The following SGPL1 variants were observed in gnomAD, a reference collection of about 807,000 sequenced individuals.
SGPL1 encodes the protein sphingosine-1-phosphate lyase 1, also known as SP-lyase 1.
In SGPL1, 37 loss-of-function variants were observed where a neutral mutation model predicts 68.9. The ratio of observed to expected loss-of-function variants is 0.54; its 90% confidence interval spans 0.41 to 0.71. The LOEUF is 0.71. Among genes scored for constraint, SGPL1 ranks in the 30% least tolerant of loss-of-function variants. The pLI is 0.00. For synonymous variants in SGPL1, 236 were observed against 248.5 expected (o/e 0.95, Z 0.47); for missense variants, 551 against 704.6 (o/e 0.78, Z 2.47).
Position 70,880,515 on chromosome 10 carries a change from TTCTG to T in SGPL1, c.*3184_*3187del, listed in dbSNP as rs1192625278. On this transcript the variant is annotated 3_prime_UTR_variant, in exon 15 of 15. Coordinates refer to ENST00000373202, the MANE Select transcript of SGPL1 (RefSeq NM_003901.4). Reference sequence around the variant, plus strand: ...GTCTCTAGCCATCTGGGCAGTGTGGTTCTGTCTAACCAAAGGGCATTGGCCTCAA... The same window carrying T: ...GTCTCTAGCCATCTGGGCAGTGTGGTTCTAACCAAAGGGCATTGGCCTCAA... The T allele has an allele frequency of 2.6e-5, 4 of 152,204 alleles. No individual in the cohort carries two copies. 9.4% of individuals were successfully genotyped at this position (152,204 alleles called of 1,614,324 possible).
chr10:70,834,882 C>T (rs764339415), intron 2 of SGPL1, among the ~76,000 whole-genome samples: 16 of 152,286 alleles, frequency 1.1e-4, no homozygotes, highest in Non-Finnish European at 1.9e-4. Context: ...CCGCTATTTC[C>T]GAGCTTTGTG....
At chr10:70,847,778 AT>A (rs562454291) in intron 3 of SGPL1, among the ~76,000 whole-genome samples, 2 of 152,038 alleles carry the variant, frequency 1.3e-5, no homozygotes, top group African/African-American at 4.8e-5. Context: ...TAGAATATTC[AT>A]TTTTTTTAGC....
At chr10:70,866,216 G>A (rs1344916257) in intron 7 of SGPL1, 1 of 151,992 alleles carries the variant, frequency 6.6e-6, no homozygotes, top group East Asian at 1.9e-4. Context: ...GTGAAACCCT[G>A]TCTCTACAAA....
Position 70,879,736 on chromosome 10 carries a change from A to AT in SGPL1, c.*2404dup, listed in dbSNP as rs1308123195. ...AAAGGGACCTACTGTAGCCACTTTA[A>AT]TTTACAATTAAGAGCCTTAGTTTGA... On this transcript the variant is annotated 3_prime_UTR_variant, in exon 15 of 15. Coordinates refer to ENST00000373202, the MANE Select transcript of SGPL1 (RefSeq NM_003901.4). The AT allele has an allele frequency of 6.6e-6, 1 of 152,594 alleles. No homozygotes were observed. Among genetic ancestry groups the AT allele is most frequent in the Non-Finnish European group, 1.5e-5 (1 of 68,030 alleles). The allele number at this position is 152,594 out of a possible 1,614,324, so 9.5% of individuals were successfully genotyped here.
chr10:70,817,497 G>A (rs1020117348), intron 2 of SGPL1, among the ~76,000 whole-genome samples: 3 of 152,100 alleles, frequency 2.0e-5, no homozygotes, highest in Non-Finnish European at 4.4e-5. Context: ...GCTATTTACA[G>A]GCATAATCAT....
At position 70,873,502 on chromosome 10, in the gene SGPL1, G is replaced by C. The variant is rs1048221827; in HGVS notation, c.1211G>C (p.Cys404Ser). Residue 404 changes from cysteine to serine, a missense_variant, in exon 12 of 15, where the codon TGT becomes TCT. Cys to Ser is a moderately radical substitution (Grantham distance 112, BLOSUM62 -1). Coordinates refer to ENST00000373202, the MANE Select transcript of SGPL1 (RefSeq NM_003901.4). ...GSRPGGISAA[C>S]WAALMHFGEN... Reference sequence around the variant, plus strand: ...CGGCCTGGTGGCATTAGCGCAGCCTGTTGGGCTGCCTTGATGCACTTCGGT... The same window carrying C: ...CGGCCTGGTGGCATTAGCGCAGCCTCTTGGGCTGCCTTGATGCACTTCGGT... 3.1e-6 allele frequency: 5 copies of C among 1,614,250 alleles called. No homozygotes were observed. The highest frequency in any genetic ancestry group is 4.2e-6 in the Non-Finnish European group (5 of 1,180,014).
In SGPL1 at chr10:70,844,555, A is replaced by G. The variant is rs982294579; in HGVS notation, c.110A>G (p.Tyr37Cys). The change falls in exon 3 of 15, where the codon TAT (tyrosine) becomes TGT (cysteine). Residue 37 changes from tyrosine (Y) to cysteine (C), a missense_variant. Coordinates refer to ENST00000373202, the MANE Select transcript of SGPL1 (RefSeq NM_003901.4). ...KNYVNGHCTK[Y>C]EPWQLIAWSV... ...TATGTAAATGGACATTGCACCAAGTATGAGCCCTGGCAGCTAATTGCATGG... is the reference window on the plus strand; with the variant it reads ...TATGTAAATGGACATTGCACCAAGTGTGAGCCCTGGCAGCTAATTGCATGG... The G allele has an allele frequency of 3.7e-6, 6 of 1,614,080 alleles. No homozygotes were observed. In the African/African-American group the frequency reaches 8.0e-5, roughly 22 times the overall value.
At position 70,854,728 on chromosome 10, in the gene SGPL1, G is replaced by A; in HGVS notation, c.282G>A (p.Lys94=). ...IGRKIQDKLN[K]TKDDISKNMS... is the part of the protein sequence containing the mutation. ...TGGAGATTCAAGACAAGTTGAACAA[G>A]ACCAAGGATGATATTAGCAAGAACA... The change falls in exon 5 of 15, where the codon AAG becomes AAA. Residue 94 remains lysine (K), a synonymous_variant. Transcript: ENST00000373202. 1 of 1,612,416 alleles carries A rather than the reference G, an allele frequency of 6.2e-7. No homozygotes were observed. Among genetic ancestry groups the A allele is most frequent in the Non-Finnish European group, 8.5e-7 (1 of 1,179,370 alleles).
At chr10:70,866,021 T>TG (rs1589471793) in intron 7 of SGPL1, among the ~76,000 whole-genome samples, 2 of 152,316 alleles carry the variant, frequency 1.3e-5, no homozygotes, top group African/African-American at 4.8e-5. Context: ...TGTTTCTCTT[T>TG]GGGTATAGGA....
In SGPL1 at chr10:70,876,521, C is replaced by T; in HGVS notation, c.1446-20C>T. The T allele has an allele frequency of 6.2e-7, 1 of 1,600,270 alleles. No individual in the cohort carries two copies. ...TTTTCTTTCTTCAAGGTTCATCTCTCTCTGTCTCTTCTTTCCTAGTATTCA... is the reference window on the plus strand; with the variant it reads ...TTTTCTTTCTTCAAGGTTCATCTCTTTCTGTCTCTTCTTTCCTAGTATTCA... On this transcript the variant is annotated intron_variant, in intron 13 of 14. Coordinates refer to ENST00000373202, the MANE Select transcript of SGPL1 (RefSeq NM_003901.4).
intron 2 of SGPL1, among the ~76,000 whole-genome samples, chr10:70,835,185 G>C (rs186284104): frequency 6.6e-6 from 1 of 152,328 alleles, no homozygotes; most frequent in African/African-American, 2.4e-5. Context: ...TTGAGTTCCT[G>C]CTGTGTTGAA....
intron 3 of SGPL1, among the ~76,000 whole-genome samples, chr10:70,850,815 CAAAT>C (rs1441067077): frequency 6.9e-6 from 1 of 144,524 alleles, no homozygotes; most frequent in Non-Finnish European, 1.5e-5. Flanking sequence ...AAAAGGGAGA[CAAAT>C]AAGAATATAG....
Position 70,846,825 on chromosome 10 carries a change from T to G in SGPL1, c.193+2187T>G, listed in dbSNP as rs188344635. Among the ~76,000 whole-genome samples, 767 of 152,368 alleles carry G rather than the reference T, an allele frequency of 5.0e-3. 5 individuals carry two copies. The highest frequency in any genetic ancestry group is 0.017 in the African/African-American group (688 of 41,592). On this transcript the variant is annotated intron_variant, in intron 3 of 14. Transcript: ENST00000373202. ...TATTTATCATGTACAACATATGTTT[T>G]GAAATATGTATACATTGTGAAATGG... is the stretch of plus-strand genomic sequence containing the variant.
chr10:70,834,315 G>A (rs1467051551), intron 2 of SGPL1, among the ~76,000 whole-genome samples: 1 of 152,126 alleles, frequency 6.6e-6, no homozygotes, highest in African/African-American at 2.4e-5. Flanking sequence ...TACCCCCACT[G>A]GCTTTATGGA....
rs760257774 is a variant in SGPL1 at position 70,857,676 on chromosome 10, G to A, written c.472G>A (p.Glu158Lys). The change falls in exon 6 of 15, where the codon GAG becomes AAG. Residue 158 changes from glutamate (E) to lysine (K), a missense_variant. Transcript: ENST00000373202. ...GTACAGTGGGGAGGAGAAGCTCACT[G>A]AGCTCCTTGTGAAGGTGAGTGTCCA... ...TVYSGEEKLT[E>K]LLVKAYGDFA... 1.4e-5 allele frequency: 22 copies of A among 1,611,436 alleles called. No individual in the cohort carries two copies. In the South Asian group the frequency reaches 2.2e-4, roughly 16 times the overall value.
At chr10:70,832,732 C>G (rs1845564099) in intron 2 of SGPL1, among the ~76,000 whole-genome samples, 1 of 152,198 alleles carries the variant, frequency 6.6e-6, no homozygotes. Flanking sequence ...GAGTTCATAG[C>G]AAACTTAGCA....
rs1303642646 is a variant in SGPL1, at chr10:70,880,738, C to G, written c.*3403C>G. The stretch of plus-strand genomic sequence containing the variant: ...TAGCCCATTCAGACTTTGCCAGAGT[C>G]AAGCCAAGGATTGCTTTTTTGCTAC... On this transcript the variant is annotated 3_prime_UTR_variant, in exon 15 of 15. Transcript: ENST00000373202. 1 of 152,200 alleles carries G rather than the reference C, an allele frequency of 6.6e-6. No individual in the cohort carries two copies. Among genetic ancestry groups the G allele is most frequent in the Non-Finnish European group, 1.5e-5 (1 of 68,032 alleles). The allele number at this position is 152,200 out of a possible 1,614,324, so 9.4% of individuals were successfully genotyped here. A position where few individuals can be genotyped will look rare whatever the true frequency, so the allele number is the denominator to read the frequency against.
At chr10:70,873,687 C>G in intron 12 of SGPL1, 98 bp downstream of exon 12, 2 of 857,144 alleles carry the variant, frequency 2.3e-6, no homozygotes, top group Non-Finnish European at 3.9e-6. Context: ...CCCTAGCCCA[C>G]CTGTTGTCTC....
chr10:70,865,022 C>G (rs1846154064), intron 7 of SGPL1, among the ~76,000 whole-genome samples: 1 of 152,178 alleles, frequency 6.6e-6, no homozygotes, highest in Non-Finnish European at 1.5e-5. Context: ...GCTCATTTCT[C>G]CCTAGCAGCC....
Sources: allele counts gnomAD v4.1 joint callset (sites outside exome capture counted in the v4.1 genomes callset), GRCh38; gene constraint gnomAD v4.1.1; transcripts MANE v1.5; gene names NCBI Gene and HGNC (gene_info 2026-07-23, HGNC 2026-07-21).